The following UTRN variants were observed in gnomAD, a reference collection of about 807,000 sequenced individuals.
UTRN encodes dystrophin-related protein 1.
Under a neutral mutation model 463.9 loss-of-function variants are expected in UTRN, and 283 were observed. That is an observed-to-expected ratio of 0.61 (90% confidence interval 0.55 to 0.67). UTRN has a LOEUF of 0.67. Ranked by LOEUF, UTRN falls within the 30% of genes least tolerant of loss-of-function variation. The probability of loss-of-function intolerance (pLI) is 0.00; values close to 1 mark genes in which losing one functional copy is unlikely to be tolerated. For missense variants in UTRN, 3,922 were observed against 4,084.3 expected (o/e 0.96, Z 1.08); for synonymous variants, 1,442 against 1,431.5 (o/e 1.01, Z -0.17).
rs533375077 is a variant in UTRN, at chr6:144,752,687, A to C, written c.8355+735A>C. The stretch of plus-strand genomic sequence containing the variant: ...TAGTAAAGCAAAATCTGTTAAATTT[A>C]TGTGTTTTTCTAGTGGATGGAACAT... On this transcript the variant is annotated intron_variant, in intron 56 of 74. Transcript: ENST00000367545. 2.0e-5 allele frequency among the ~76,000 whole-genome samples: 3 copies of C among 152,202 alleles called. No homozygotes were observed. In the South Asian group the frequency reaches 6.2e-4, roughly 32 times the overall value.
chr6:144,559,306 C>T (rs542647765), intron 50 of UTRN, among the ~76,000 whole-genome samples: 12 of 151,712 alleles, frequency 7.9e-5, no homozygotes, highest in African/African-American at 2.2e-4. Context: ...CTGCATTTTC[C>T]GGGGGGTGGA....
At chr6:144,347,122 C>T (rs1326917034) in intron 2 of UTRN, among the ~76,000 whole-genome samples, 1 of 152,034 alleles carries the variant, frequency 6.6e-6, no homozygotes, top group Non-Finnish European at 1.5e-5. Flanking sequence ...CTCCTGGGAG[C>T]CCTGCTCGTT....
intron 51 of UTRN, among the ~76,000 whole-genome samples, chr6:144,582,667 A>G (rs1802076274): frequency 6.6e-6 from 1 of 152,202 alleles, no homozygotes; most frequent in South Asian, 2.1e-4. Flanking sequence ...TTATTCACTT[A>G]GCTGTTTAAT....
At chr6:144,796,491 G>T (rs888365633) in intron 63 of UTRN, among the ~76,000 whole-genome samples, 3 of 151,994 alleles carry the variant, frequency 2.0e-5, no homozygotes, top group African/African-American at 7.2e-5. Flanking sequence ...TTTAAGACAA[G>T]ATTTTTAAAA....
chr6:144,292,891 A>T (rs1316522370), intron 2 of UTRN, among the ~76,000 whole-genome samples: 2 of 152,204 alleles, frequency 1.3e-5, no homozygotes, highest in Admixed American at 1.3e-4. Context: ...ACACAGTGAA[A>T]ATAAGATCTA....
intron 51 of UTRN, among the ~76,000 whole-genome samples, chr6:144,668,697 T>C (rs553095747): frequency 7.2e-5 from 11 of 152,152 alleles, no homozygotes; most frequent in Non-Finnish European, 1.3e-4. Flanking sequence ...GCTTCCTTTA[T>C]AGGGGTAGTA....
At chr6:144,707,379 C>G (rs1051447842) in intron 53 of UTRN, among the ~76,000 whole-genome samples, 1 of 152,110 alleles carries the variant, frequency 6.6e-6, no homozygotes, top group African/African-American at 2.4e-5. Flanking sequence ...CATCTCTGTT[C>G]CATACTTGCT....
chr6:144,439,649 C>T (rs1004610101), intron 12 of UTRN, among the ~76,000 whole-genome samples: 1 of 152,056 alleles, frequency 6.6e-6, no homozygotes, highest in Admixed American at 6.6e-5. Flanking sequence ...TGTGCCACCA[C>T]ACCCAGCTAA....
chr6:144,528,655 C>A (rs1391373735), intron 41 of UTRN, among the ~76,000 whole-genome samples: 1 of 152,232 alleles, frequency 6.6e-6, no homozygotes, highest in Non-Finnish European at 1.5e-5. Context: ...TGTGATCTGT[C>A]TTCAGGTCTC....
At chr6:144,795,546 T>G (rs902785216) in intron 63 of UTRN, among the ~76,000 whole-genome samples, 3 of 152,200 alleles carry the variant, frequency 2.0e-5, no homozygotes, top group African/African-American at 7.2e-5. Context: ...GTTTCCTGAC[T>G]TTTTAATGAT....
At chr6:144,698,953 G>T (rs1403067717) in intron 52 of UTRN, among the ~76,000 whole-genome samples, 1 of 152,174 alleles carries the variant, frequency 6.6e-6, no homozygotes, top group African/African-American at 2.4e-5. Flanking sequence ...TCGCCCAACT[G>T]TTCTCTATTC....
At chr6:144,824,786 C>G in intron 66 of UTRN, among the ~76,000 whole-genome samples, 1 of 143,942 alleles carries the variant, frequency 6.9e-6, no homozygotes, top group Non-Finnish European at 1.5e-5. Flanking sequence ...GGGGGGGTGT[C>G]CCCCCAGCGT....
chr6:144,382,456 A>G (rs936375840), intron 2 of UTRN, among the ~76,000 whole-genome samples: 6 of 152,286 alleles, frequency 3.9e-5, no homozygotes, highest in African/African-American at 1.4e-4. Context: ...ACAATTCTCC[A>G]GGGGATTCTG....
intron 2 of UTRN, 39 bp from the exon 3 acceptor site, chr6:144,403,084 C>T: frequency 1.9e-6 from 3 of 1,579,718 alleles, no homozygotes; most frequent in Non-Finnish European, 2.6e-6. Flanking sequence ...GGTACAGACT[C>T]TCATACTTTT....
rs1385355217 is a variant in UTRN at position 144,490,157 on chromosome 6, G to A, written c.4221G>A (p.Glu1407=). The change falls in exon 31 of 75, where the codon GAG becomes GAA. Residue 1407 remains glutamate (E), a synonymous_variant. Coordinates refer to ENST00000367545, the MANE Select transcript of UTRN (RefSeq NM_007124.3). ...GTTCTCAGCCCCTGACCTCCCCAGA[G>A]AGTAGGACTGCCAGAGGAGGAAGTC... ...NMRSQPLTSP[E]SRTARGGSQM... 4.3e-6 allele frequency: 7 copies of A among 1,613,520 alleles called. No individual in the cohort carries two copies. In the African/African-American group the frequency reaches 6.7e-5, roughly 15 times the overall value.
Position 144,833,535 on chromosome 6 carries a change from A to C in UTRN, c.9666-2245A>C, listed in dbSNP as rs142995339. Among the ~76,000 whole-genome samples, 55 of 152,324 alleles carry C rather than the reference A, an allele frequency of 3.6e-4. 1 individual carries two copies. In the East Asian group the frequency reaches 0.01, roughly 28 times the overall value. ...CTCTGTCTTTATAGTTTCTATACTCAGATCTTTTTCATCCTGAGAAATGAG... is the reference window on the plus strand; with the variant it reads ...CTCTGTCTTTATAGTTTCTATACTCCGATCTTTTTCATCCTGAGAAATGAG... On this transcript the variant is annotated intron_variant, in intron 69 of 74. Coordinates refer to ENST00000367545, the MANE Select transcript of UTRN (RefSeq NM_007124.3).
intron 51 of UTRN, among the ~76,000 whole-genome samples, chr6:144,630,744 C>A (rs1585667336): frequency 6.6e-6 from 1 of 152,232 alleles, no homozygotes. Context: ...AGTTACTCTG[C>A]ATACCATTAA....
intron 58 of UTRN, among the ~76,000 whole-genome samples, chr6:144,764,951 A>T (rs1414105954): frequency 6.6e-6 from 1 of 151,926 alleles, no homozygotes; most frequent in Non-Finnish European, 1.5e-5. Context: ...GGGGCATACA[A>T]GGCTCCCCAG....
At chr6:144,692,101 TCTC>T (rs1173129011) in intron 52 of UTRN, among the ~76,000 whole-genome samples, 1 of 152,158 alleles carries the variant, frequency 6.6e-6, no homozygotes, top group Non-Finnish European at 1.5e-5. Flanking sequence ...ATCCAAGTGT[TCTC>T]ATCATTTAGC....
Sources: allele counts gnomAD v4.1 joint callset (sites outside exome capture counted in the v4.1 genomes callset), GRCh38; gene constraint gnomAD v4.1.1; transcripts MANE v1.5; gene names NCBI Gene and HGNC (gene_info 2026-07-23, HGNC 2026-07-21).